The following ELOVL5 variants were observed in gnomAD, a reference collection of about 807,000 sequenced individuals.
ELOVL5 encodes ELOVL fatty acid elongase 5, also known as very long chain fatty acid elongase 5.
Under a neutral mutation model 38.6 loss-of-function variants are expected in ELOVL5, and 8 were observed. That is an observed-to-expected ratio of 0.21 (90% CI 0.12 to 0.37). The LOEUF (loss-of-function observed/expected upper bound fraction) is 0.37, where lower values mean the gene tolerates loss of function less well. Among genes scored for constraint, ELOVL5 ranks in the 10% least tolerant of loss-of-function variants. ELOVL5 has a pLI of 1.00. For missense variants in ELOVL5, 280 were observed against 367.8 expected, an observed-to-expected ratio of 0.76 and a Z score of 1.95; for synonymous variants, 127 against 133.7, an observed-to-expected ratio of 0.95 and a Z score of 0.34.
Position 53,348,941 on chromosome 6 carries a change from A to G in ELOVL5, c.-133T>C, listed in dbSNP as rs1173219118. The G allele has an allele frequency of 2.3e-6, 1 of 434,850 alleles. No individual in the cohort carries two copies. Among genetic ancestry groups the G allele is most frequent in the South Asian group, 1.6e-5 (1 of 63,022 alleles). 26.9% of individuals were successfully genotyped at this position (434,850 alleles called of 1,614,324 possible). On this transcript the variant is annotated 5_prime_UTR_variant, in exon 1 of 8. Transcript: ENST00000304434. The stretch of plus-strand genomic sequence containing the variant: ...GACACCGGTGGCTAGGACCCGCGCG[A>G]TGGGAAGAGGAAGGCGCCGGCTATC...
In ELOVL5 at chr6:53,348,883, G is replaced by A; in HGVS notation, c.-75C>T. On this transcript the variant is annotated 5_prime_UTR_variant, in exon 1 of 8. Transcript: ENST00000304434. ...GGCGGCGGCGGCGGAGGGAGCGCGGGTGGCAGCCGGCGCAGAGGCGGATGT... is the reference window on the plus strand; with the variant it reads ...GGCGGCGGCGGCGGAGGGAGCGCGGATGGCAGCCGGCGCAGAGGCGGATGT... 2.2e-6 allele frequency: 1 copy of A among 455,288 alleles called. No individual in the cohort carries two copies. Among genetic ancestry groups the A allele is most frequent in the Non-Finnish European group, 4.4e-6 (1 of 226,560 alleles). 28.2% of individuals were successfully genotyped at this position (455,288 alleles called of 1,614,324 possible).
chr6:53,301,851 T>C (rs1561875496), intron 1 of ELOVL5, among the ~76,000 whole-genome samples: 1 of 152,170 alleles, frequency 6.6e-6, no homozygotes, highest in African/African-American at 2.4e-5. Context: ...ATATTATAAT[T>C]GTGTCTCATT....
At chr6:53,278,970 G>A (rs1411126599) in intron 3 of ELOVL5, among the ~76,000 whole-genome samples, 3 of 152,036 alleles carry the variant, frequency 2.0e-5, no homozygotes, top group Admixed American at 6.5e-5. Context: ...TCTCCCCTAC[G>A]TGCACACAAA....
intron 2 of ELOVL5, among the ~76,000 whole-genome samples, chr6:53,295,144 A>T (rs1766941297): frequency 6.6e-6 from 1 of 152,226 alleles, no homozygotes; most frequent in Admixed American, 6.5e-5. Context: ...AGACTTTAAA[A>T]GACTTTTACA....
intron 1 of ELOVL5, among the ~76,000 whole-genome samples, chr6:53,296,580 A>T (rs1269191688): frequency 1.3e-5 from 2 of 152,184 alleles, no homozygotes; most frequent in Non-Finnish European, 2.9e-5. Flanking sequence ...GTTAAAAAAA[A>T]CTAAAAAAAC....
chr6:53,316,483 G>C (rs1768048796), intron 1 of ELOVL5, among the ~76,000 whole-genome samples: 1 of 152,246 alleles, frequency 6.6e-6, no homozygotes, highest in East Asian at 1.9e-4. Context: ...AACAATGTTG[G>C]AGAAGGAGGT....
At chr6:53,303,274 A>C (rs1313060177) in intron 1 of ELOVL5, among the ~76,000 whole-genome samples, 1 of 152,224 alleles carries the variant, frequency 6.6e-6, no homozygotes, top group African/African-American at 2.4e-5. Flanking sequence ...TTTAGAAATG[A>C]AAGTAACTTG....
At chr6:53,316,468 T>C (rs906289784) in intron 1 of ELOVL5, among the ~76,000 whole-genome samples, 2 of 151,636 alleles carry the variant, frequency 1.3e-5, no homozygotes, top group African/African-American at 4.9e-5. Context: ...GATGAAAAAG[T>C]GAAAAACAAT....
chr6:53,295,671 G>A lies in ELOVL5; in HGVS notation c.29C>T (p.Thr10Ile), dbSNP rs760253031. 1.3e-6 allele frequency: 2 copies of A among 1,597,128 alleles called. No individual in the cohort carries two copies. The highest frequency in any genetic ancestry group is 4.5e-5 in the East Asian group (2 of 44,318). Residue 10 changes from threonine (T) to isoleucine (I), a missense_variant, in exon 2 of 8, where the codon ACC (threonine) becomes ATC (isoleucine). Physicochemically the swap from Thr to Ile is moderately conservative, Grantham distance 89. This residue lies in a region of ELOVL5 where 150 missense variants were observed against 178.0 expected (regional missense o/e 0.84). Transcript: ENST00000304434. Reference protein sequence around the residue: MEHFDASLSTYFKALLGPRD... With the variant: MEHFDASLSIYFKALLGPRD... ...AGGGCCTAGCAATGCCTTGAAATAG[G>A]TACTAAGTGATGCATCAAAATGTTC...
intron 1 of ELOVL5, among the ~76,000 whole-genome samples, chr6:53,302,244 C>T (rs1426453553): frequency 1.3e-5 from 2 of 152,360 alleles, no homozygotes; most frequent in Admixed American, 6.5e-5. Context: ...CAAGTATATG[C>T]CCAGGTGAAT....
intron 3 of ELOVL5, among the ~76,000 whole-genome samples, chr6:53,278,158 A>AC (rs1316997793): frequency 1.3e-5 from 2 of 152,218 alleles, no homozygotes; most frequent in African/African-American, 4.8e-5. Flanking sequence ...TCTGGAACCT[A>AC]CCATCACTGT....
At position 53,279,670 on chromosome 6, in the gene ELOVL5, AT is replaced by A. The variant is rs561659803; in HGVS notation, c.247-3415del. Among the ~76,000 whole-genome samples the A allele has an allele frequency of 1.2e-3, 177 of 152,358 alleles. 2 individuals are homozygous for A. The highest frequency in any genetic ancestry group is 4.1e-4 in the Non-Finnish European group (28 of 68,044). On this transcript the variant is annotated intron_variant, in intron 3 of 7. Coordinates refer to ENST00000304434, the MANE Select transcript of ELOVL5 (RefSeq NM_021814.5). ...GCAGCAATAAAGAGAGCTTCATAGTATTTTAAACGAGGCTTGACTTTGTGAT... is the reference window on the plus strand; with the variant it reads ...GCAGCAATAAAGAGAGCTTCATAGTATTTAAACGAGGCTTGACTTTGTGAT...
chr6:53,319,703 G>A (rs888382251), intron 1 of ELOVL5, among the ~76,000 whole-genome samples: 7 of 152,114 alleles, frequency 4.6e-5, no homozygotes, highest in African/African-American at 9.7e-5. Flanking sequence ...CAACATGCCT[G>A]TTCATTTGGT....
intron 1 of ELOVL5, among the ~76,000 whole-genome samples, chr6:53,344,395 T>C (rs1769452381): frequency 1.3e-5 from 2 of 152,088 alleles, no homozygotes; most frequent in South Asian, 2.1e-4. Flanking sequence ...GCCCTGGCCA[T>C]CTCTAACAAA....
rs371578791 is a variant in ELOVL5, at chr6:53,308,892, G to A, written c.-8-13185C>T. Among the ~76,000 whole-genome samples the A allele has an allele frequency of 4.5e-4, 52 of 116,060 alleles. 4 individuals are homozygous for A. In the East Asian group the frequency reaches 9.6e-3, roughly 21 times the overall value. The allele number at this position is 116,060 out of a possible 152,430, so 76.1% of individuals were successfully genotyped here. A position where few individuals can be genotyped will look rare whatever the true frequency, so the allele number is the denominator to read the frequency against. On this transcript the variant is annotated intron_variant, in intron 1 of 7. Transcript: ENST00000304434. ...GGGGGAGGGGATGCGCAGGTGGGGC[G>A]GGGGGCGGGGAGGCAATCATATTTT...
chr6:53,305,116 AC>A (rs1304525186), intron 1 of ELOVL5, among the ~76,000 whole-genome samples: 1 of 82,942 alleles, frequency 1.2e-5, no homozygotes, highest in African/African-American at 4.5e-5. Context: ...TGACCCCCCC[AC>A]CTCCCTCCCA....
intron 1 of ELOVL5, among the ~76,000 whole-genome samples, chr6:53,311,219 T>C (rs2127582795): frequency 1.3e-5 from 2 of 152,330 alleles, no homozygotes; most frequent in South Asian, 4.1e-4. Flanking sequence ...CTCCTGTGGC[T>C]GTCCTACCTG....
chr6:53,333,797 A>G (rs1184297034), intron 1 of ELOVL5, among the ~76,000 whole-genome samples: 1 of 152,198 alleles, frequency 6.6e-6, no homozygotes, highest in Non-Finnish European at 1.5e-5. Flanking sequence ...GTCATGCCCC[A>G]TATCTATATA....
At chr6:53,294,350 T>C (rs1285684360) in intron 2 of ELOVL5, 5 of 1,574,088 alleles carry the variant, frequency 3.2e-6, no homozygotes, top group East Asian at 4.6e-5. Context: ...CAAAGAGCTC[T>C]GGGAAACAAC....
Sources: allele counts gnomAD v4.1 joint callset (sites outside exome capture counted in the v4.1 genomes callset), GRCh38; gene constraint gnomAD v4.1.1; regional missense constraint gnomAD v4.1.1; transcripts MANE v1.5; gene names NCBI Gene and HGNC (gene_info 2026-07-23, HGNC 2026-07-21).